Variants in PCDH9 observed in about 807,000 individuals in gnomAD.
The protein encoded by PCDH9 is protocadherin 9, also known as protocadherin-9.
PCDH9 carries 24 observed loss-of-function variants against 70.6 expected under a neutral mutation model. The observed-to-expected ratio is 0.34, with a 90% CI of 0.25 to 0.48. The LOEUF is 0.48. Among genes scored for constraint, PCDH9 ranks in the 20% least tolerant of loss-of-function variants. PCDH9 has a pLI of 0.99. For synonymous variants in PCDH9, 562 were observed against 558.5 expected, an observed-to-expected ratio of 1.01 and a Z score of -0.09; for missense variants, 1,281 against 1,503.6, an observed-to-expected ratio of 0.85 and a Z score of 2.45.
chr13:66,868,096 G>T (rs545539982), intron 3 of PCDH9, among the ~76,000 whole-genome samples: 1 of 151,848 alleles, frequency 6.6e-6, no homozygotes, highest in South Asian at 2.1e-4. Context: ...TATAAATGAC[G>T]AAATGTAATG....
chr13:67,194,069 C>T (rs2088992216), intron 2 of PCDH9, among the ~76,000 whole-genome samples: 1 of 152,012 alleles, frequency 6.6e-6, no homozygotes, highest in African/African-American at 2.4e-5. Flanking sequence ...ACTATCAAAG[C>T]AAAAGCAGTT....
intron 3 of PCDH9, among the ~76,000 whole-genome samples, chr13:66,902,968 G>C (rs1421101633): frequency 3.3e-5 from 5 of 151,358 alleles, no homozygotes; most frequent in African/African-American, 1.2e-4. Context: ...TTTTAAAAAA[G>C]AAAGTAATGT....
At chr13:66,341,511 G>T (rs1292095084) in intron 4 of PCDH9, among the ~76,000 whole-genome samples, 1 of 152,148 alleles carries the variant, frequency 6.6e-6, no homozygotes, top group African/African-American at 2.4e-5. Flanking sequence ...GAAATGTCAA[G>T]TCTTAGCCCA....
At chr13:66,836,303 T>G (rs1566229124) in intron 3 of PCDH9, among the ~76,000 whole-genome samples, 1 of 152,210 alleles carries the variant, frequency 6.6e-6, no homozygotes, top group Admixed American at 6.5e-5. Flanking sequence ...GACTGGAGAT[T>G]CAATAATCTT....
At chr13:66,360,827 T>C (rs1384198459) in intron 4 of PCDH9, among the ~76,000 whole-genome samples, 1 of 152,182 alleles carries the variant, frequency 6.6e-6, no homozygotes, top group East Asian at 1.9e-4. Flanking sequence ...AACAGTTCTT[T>C]TAAGCTGGAG....
chr13:67,198,160 T>A (rs2089121482), intron 2 of PCDH9, among the ~76,000 whole-genome samples: 1 of 151,746 alleles, frequency 6.6e-6, no homozygotes, highest in Non-Finnish European at 1.5e-5. Flanking sequence ...TATTAGGTGT[T>A]ATTTTTTCCA....
At chr13:66,672,239 C>T (rs1343028568) in intron 3 of PCDH9, among the ~76,000 whole-genome samples, 1 of 152,210 alleles carries the variant, frequency 6.6e-6, no homozygotes, top group Non-Finnish European at 1.5e-5. Flanking sequence ...ACAAAACTTC[C>T]ATTTGTAGTT....
At chr13:66,437,193 G>T (rs1003936699) in intron 4 of PCDH9, among the ~76,000 whole-genome samples, 1 of 151,604 alleles carries the variant, frequency 6.6e-6, no homozygotes, top group East Asian at 1.9e-4. Flanking sequence ...AGATCACAAG[G>T]TCAGGAGATC....
In PCDH9 at chr13:66,770,025, T is replaced by G. The variant is rs1328802665; in HGVS notation, c.3138+133479A>C. On this transcript the variant is annotated intron_variant, in intron 3 of 4. Transcript: ENST00000377865. ...CAATACTTTAAAAACAAACCTCTAT[T>G]GAGGGAGGTATGGAAGTGGAAAATT... Among the ~76,000 whole-genome samples, 4 of 152,056 alleles carry G rather than the reference T, an allele frequency of 2.6e-5. No individual in the cohort carries two copies. The East Asian group carries it at 7.7e-4, about 29-fold the overall frequency.
At chr13:66,984,238 T>G (rs1306444820) in intron 2 of PCDH9, among the ~76,000 whole-genome samples, 2 of 152,114 alleles carry the variant, frequency 1.3e-5, no homozygotes, top group African/African-American at 4.8e-5. Flanking sequence ...TTGCTCACCA[T>G]ATATTTCTTT....
At chr13:66,835,554 C>T (rs2081003176) in intron 3 of PCDH9, among the ~76,000 whole-genome samples, 1 of 152,186 alleles carries the variant, frequency 6.6e-6, no homozygotes, top group Non-Finnish European at 1.5e-5. Flanking sequence ...GATGGATGAT[C>T]TGCAGTTCTA....
intron 4 of PCDH9, among the ~76,000 whole-genome samples, chr13:66,460,043 T>A (rs1053522626): frequency 6.6e-6 from 1 of 151,904 alleles, no homozygotes; most frequent in African/African-American, 2.4e-5. Flanking sequence ...TATGGTATCA[T>A]TTGAAAACTC....
At chr13:66,385,297 T>C (rs1173722000) in intron 4 of PCDH9, among the ~76,000 whole-genome samples, 1 of 152,166 alleles carries the variant, frequency 6.6e-6, no homozygotes, top group Non-Finnish European at 1.5e-5. Context: ...TAAATCTGTA[T>C]GTATAGTACA....
chr13:67,198,628 T>C (rs2089135166), intron 2 of PCDH9, among the ~76,000 whole-genome samples: 1 of 151,910 alleles, frequency 6.6e-6, no homozygotes, highest in South Asian at 2.1e-4. Context: ...AGGTAATCTA[T>C]AAAAACTCAT....
chr13:66,695,913 C>G (rs1566511082), intron 3 of PCDH9, among the ~76,000 whole-genome samples: 1 of 151,914 alleles, frequency 6.6e-6, no homozygotes, highest in Non-Finnish European at 1.5e-5. Flanking sequence ...GGTTTATATT[C>G]TGAGAATAAA....
At chr13:66,719,222 A>G (rs1228698533) in intron 3 of PCDH9, among the ~76,000 whole-genome samples, 1 of 152,016 alleles carries the variant, frequency 6.6e-6, no homozygotes, top group African/African-American at 2.4e-5. Context: ...TAGACAGGTC[A>G]TTAATATTCC....
chr13:66,829,502 T>A lies in PCDH9; in HGVS notation c.3138+74002A>T, dbSNP rs186408478. 2.1e-3 allele frequency among the ~76,000 whole-genome samples: 312 copies of A among 152,008 alleles called. 2 individuals are homozygous for A. Among genetic ancestry groups the A allele is most frequent in the Admixed American group, 0.014 (217 of 15,246 alleles). ...GGAGAAAATTATTGGAGTGATGTGGTGATAGTTACATAACTGTATATATTT... is the reference window on the plus strand; with the variant it reads ...GGAGAAAATTATTGGAGTGATGTGGAGATAGTTACATAACTGTATATATTT... On this transcript the variant is annotated intron_variant, in intron 3 of 4. Transcript: ENST00000377865.
intron 2 of PCDH9, among the ~76,000 whole-genome samples, chr13:66,986,758 G>A (rs2083899305): frequency 1.3e-5 from 2 of 151,892 alleles, no homozygotes; most frequent in South Asian, 4.1e-4. Context: ...CAATTCCACT[G>A]TATATTAACC....
chr13:67,125,131 G>A (rs74095330), intron 2 of PCDH9, among the ~76,000 whole-genome samples: 4,323 of 152,232 alleles, frequency 0.028, 164 homozygotes, highest in African/African-American at 0.075. Context: ...GTTCAGAGAT[G>A]TATGAGAATT....
Sources: allele counts gnomAD v4.1 joint callset (sites outside exome capture counted in the v4.1 genomes callset), GRCh38; gene constraint gnomAD v4.1.1; transcripts MANE v1.5; gene names NCBI Gene and HGNC (gene_info 2026-07-23, HGNC 2026-07-21).